Variants in MSRA observed in about 807,000 individuals in gnomAD.
The protein encoded by MSRA is mitochondrial peptide methionine sulfoxide reductase.
MSRA carries 54 observed loss-of-function variants against 31.3 expected under a neutral mutation model. That is an observed-to-expected ratio of 1.73 (90% confidence interval 1.39 to 2.17). The LOEUF (loss-of-function observed/expected upper bound fraction) is 2.17, where lower values mean the gene tolerates loss of function less well. Among genes scored for constraint, MSRA ranks in the 30% most tolerant of loss-of-function variants. The probability of loss-of-function intolerance (pLI) is 0.00; values close to 1 mark genes in which losing one functional copy is unlikely to be tolerated. For missense variants in MSRA, 507 were observed against 300.9 expected (o/e 1.69, Z -5.07); for synonymous variants, 169 against 116.5 (o/e 1.45, Z -2.90).
Position 10,054,558 on chromosome 8 carries a change from C to A in MSRA, c.42C>A (p.Leu14=). ...ATRRACQLLL[L]HSLFPVPRMG... is the part of the protein sequence containing the mutation. ...GGAGGGCTTGCCAGCTCCTCCTCCTCCACAGCCTCTTTCCCGTCCCGAGGA... is the reference window on the plus strand; with the variant it reads ...GGAGGGCTTGCCAGCTCCTCCTCCTACACAGCCTCTTTCCCGTCCCGAGGA... The change falls in exon 1 of 6, where the codon CTC becomes CTA. Residue 14 remains leucine (L), a synonymous_variant. Transcript: ENST00000317173. The A allele has an allele frequency of 6.3e-7, 1 of 1,587,750 alleles. No individual in the cohort carries two copies.
intron 3 of MSRA, among the ~76,000 whole-genome samples, chr8:10,283,262 C>T (rs542244551): frequency 3.3e-4 from 50 of 152,116 alleles, no homozygotes; most frequent in Non-Finnish European, 6.3e-4. Context: ...TTCAGTATCA[C>T]ACGGTGGATC....
In MSRA at chr8:10,182,919, A is replaced by G. The variant is rs182631347; in HGVS notation, c.143-24914A>G. ...CAAGGAGAAGGCTCTAAGTGTATCC[A>G]GCTGAAATCCTGTATTTTCTGTTTT... On this transcript the variant is annotated intron_variant, in intron 1 of 5. Coordinates refer to ENST00000317173, the MANE Select transcript of MSRA (RefSeq NM_012331.5). Among the ~76,000 whole-genome samples, 151 of 152,364 alleles carry G rather than the reference A, an allele frequency of 9.9e-4. 1 individual carries two copies. Among genetic ancestry groups the G allele is most frequent in the Middle Eastern group, 3.4e-3 (1 of 294 alleles).
In MSRA at chr8:10,280,545, T is replaced by C. The variant is rs1314248598; in HGVS notation, c.332-20989T>C. 4.6e-5 allele frequency among the ~76,000 whole-genome samples: 7 copies of C among 152,208 alleles called. No individual in the cohort carries two copies. In the East Asian group the frequency reaches 1.3e-3, roughly 29 times the overall value. On this transcript the variant is annotated intron_variant, in intron 3 of 5. Transcript: ENST00000317173. ...TTAAGCTAGACAACTTAAAAAATATTTGTAACCCTCATACACTGCTGGTAT... is the reference window on the plus strand; with the variant it reads ...TTAAGCTAGACAACTTAAAAAATATCTGTAACCCTCATACACTGCTGGTAT...
intron 1 of MSRA, among the ~76,000 whole-genome samples, chr8:10,203,565 G>A (rs1250345169): frequency 6.6e-6 from 1 of 152,100 alleles, no homozygotes. Flanking sequence ...TGTATTTTTG[G>A]TCACACTGTT....
intron 5 of MSRA, among the ~76,000 whole-genome samples, chr8:10,386,565 C>T (rs543452765): frequency 3.3e-5 from 5 of 152,284 alleles, no homozygotes; most frequent in South Asian, 2.1e-4. Context: ...TCTCAAACTT[C>T]AGCATGAGTT....
intron 1 of MSRA, among the ~76,000 whole-genome samples, chr8:10,088,065 G>C (rs1162007170): frequency 6.6e-6 from 1 of 152,034 alleles, no homozygotes; most frequent in African/African-American, 2.4e-5. Flanking sequence ...GGGACTTTAG[G>C]GCTCCTTGGA....
At chr8:10,091,753 C>T (rs1034589826) in intron 1 of MSRA, among the ~76,000 whole-genome samples, 5 of 152,058 alleles carry the variant, frequency 3.3e-5, no homozygotes, top group South Asian at 2.1e-4. Flanking sequence ...ATTAAAGATG[C>T]GTGCCACCAC....
At chr8:10,202,350 A>T (rs1040702872) in intron 1 of MSRA, among the ~76,000 whole-genome samples, 1 of 152,164 alleles carries the variant, frequency 6.6e-6, no homozygotes, top group Admixed American at 6.5e-5. Context: ...CCCATTGTGG[A>T]GTGGAAAGTA....
At chr8:10,104,569 A>C (rs1799756432) in intron 1 of MSRA, among the ~76,000 whole-genome samples, 1 of 152,154 alleles carries the variant, frequency 6.6e-6, no homozygotes, top group South Asian at 2.1e-4. Flanking sequence ...CCTCAATAAG[A>C]AGGAATGGCT....
chr8:10,362,562 C>A (rs572467944), intron 5 of MSRA, among the ~76,000 whole-genome samples: 1 of 151,788 alleles, frequency 6.6e-6, no homozygotes, highest in South Asian at 2.1e-4. Flanking sequence ...TTTGCTCCAT[C>A]CCCTTTCTGA....
intron 2 of MSRA, among the ~76,000 whole-genome samples, chr8:10,212,118 C>CGG (rs1320009501): frequency 6.6e-6 from 1 of 151,350 alleles, no homozygotes; most frequent in Non-Finnish European, 1.5e-5. Flanking sequence ...ACCCAGGAGG[C>CGG]GGAGGTTGCA....
chr8:10,091,345 C>G (rs747576407), intron 1 of MSRA, among the ~76,000 whole-genome samples: 2 of 152,140 alleles, frequency 1.3e-5, no homozygotes, highest in Admixed American at 6.6e-5. Flanking sequence ...ATAGCTAAAT[C>G]AAGCTAATTA....
intron 1 of MSRA, among the ~76,000 whole-genome samples, chr8:10,196,245 C>A (rs959614791): frequency 7.2e-5 from 11 of 152,184 alleles, no homozygotes; most frequent in African/African-American, 2.7e-4. Flanking sequence ...ACGTGTGCCA[C>A]CTTCTCTTCG....
chr8:10,174,485 C>G (rs989949551), intron 1 of MSRA, among the ~76,000 whole-genome samples: 2 of 152,112 alleles, frequency 1.3e-5, no homozygotes, highest in Non-Finnish European at 2.9e-5. Context: ...GGTTCTCTTG[C>G]TGCGTCCACT....
chr8:10,167,770 C>G (rs1428469148), intron 1 of MSRA, among the ~76,000 whole-genome samples: 2 of 152,114 alleles, frequency 1.3e-5, no homozygotes, highest in African/African-American at 2.4e-5. Context: ...TGCATGAATG[C>G]TGATCCACTT....
rs145372461 is a variant in MSRA, at chr8:10,079,903, A to G, written c.142+25245A>G. 4.3e-3 allele frequency among the ~76,000 whole-genome samples: 659 copies of G among 152,300 alleles called. 1 individual carries two copies. Among genetic ancestry groups the G allele is most frequent in the Non-Finnish European group, 7.2e-3 (487 of 68,020 alleles). The stretch of plus-strand genomic sequence containing the variant: ...TTCTCTGTTCATAAATTTGCTACTT[A>G]TGAAAAGTGCTTGAAAGCGAAGTTC... On this transcript the variant is annotated intron_variant, in intron 1 of 5. Coordinates refer to ENST00000317173, the MANE Select transcript of MSRA (RefSeq NM_012331.5).
intron 2 of MSRA, among the ~76,000 whole-genome samples, chr8:10,243,870 T>G (rs1303769924): frequency 1.3e-5 from 2 of 152,212 alleles, no homozygotes; most frequent in Non-Finnish European, 2.9e-5. Flanking sequence ...ACAAAATAAT[T>G]TTTTACTGCA....
intron 1 of MSRA, among the ~76,000 whole-genome samples, chr8:10,106,053 C>G (rs1036854846): frequency 5.3e-5 from 8 of 152,198 alleles, no homozygotes; most frequent in African/African-American, 1.9e-4. Context: ...CTATAGGAAC[C>G]CTCCTTGGTT....
At chr8:10,189,112 TTA>T (rs986534546) in intron 1 of MSRA, among the ~76,000 whole-genome samples, 1 of 152,176 alleles carries the variant, frequency 6.6e-6, no homozygotes, top group African/African-American at 2.4e-5. Context: ...GTATTTCATG[TTA>T]TATGTTGTTA....
Sources: gnomAD v4.1 joint callset for allele counts (sites outside exome capture counted in the v4.1 genomes callset) on GRCh38, gnomAD v4.1.1 for gene constraint, MANE v1.5 for transcripts, NCBI Gene and HGNC (gene_info 2026-07-23, HGNC 2026-07-21) for gene names.